Variants in DGLUCY observed in about 807,000 individuals in gnomAD.
The protein encoded by DGLUCY is D-glutamate cyclase.
A neutral mutation model predicts 58.5 loss-of-function variants in DGLUCY; 58 were observed. The observed-to-expected ratio is 0.99, with a 90% CI of 0.80 to 1.23. The LOEUF (loss-of-function observed/expected upper bound fraction) is 1.23, where lower values mean the gene tolerates loss of function less well. Ranked by LOEUF, DGLUCY falls within the 50% of genes most tolerant of loss-of-function variation. The probability of loss-of-function intolerance (pLI) is 0.00; values close to 1 mark genes in which losing one functional copy is unlikely to be tolerated. For missense variants in DGLUCY, 779 were observed against 784.7 expected (o/e 0.99, Z 0.09); for synonymous variants, 325 against 314.1 (o/e 1.03, Z -0.37).
At chr14:91,180,710 G>T (rs1386637267) in intron 7 of DGLUCY, among the ~76,000 whole-genome samples, 3 of 151,922 alleles carry the variant, frequency 2.0e-5, no homozygotes, top group African/African-American at 4.8e-5. Flanking sequence ...AGTCTTTAAA[G>T]AATAAAATTA....
chr14:91,203,585 T>C (rs11622455), intron 11 of DGLUCY, among the ~76,000 whole-genome samples: 127,648 of 152,138 alleles, frequency 0.84, 53,808 homozygotes, highest in Middle Eastern at 0.88. Context: ...CAGACTCCTC[T>C]ATAAATACCT....
At chr14:91,073,187 G>A (rs936395811) in intron 1 of DGLUCY, among the ~76,000 whole-genome samples, 7 of 152,116 alleles carry the variant, frequency 4.6e-5, no homozygotes, top group Non-Finnish European at 8.8e-5. Flanking sequence ...AGTGGTTCAT[G>A]CCTAGCACTT....
chr14:91,107,375 C>T (rs986824931), upstream of DGLUCY, among the ~76,000 whole-genome samples: 5 of 151,494 alleles, frequency 3.3e-5, no homozygotes, highest in African/African-American at 9.7e-5. Flanking sequence ...AAAAATTTGC[C>T]GGGGTGGTGG....
chr14:91,108,753 G>T (rs1402074682), intron 1 of DGLUCY, among the ~76,000 whole-genome samples: 2 of 152,106 alleles, frequency 1.3e-5, no homozygotes, highest in African/African-American at 4.8e-5. Flanking sequence ...GGCCAGACTG[G>T]TCTTGAACTC....
At chr14:91,091,413 T>G (rs1178274634) in intron 1 of DGLUCY, among the ~76,000 whole-genome samples, 1 of 152,030 alleles carries the variant, frequency 6.6e-6, no homozygotes, top group Non-Finnish European at 1.5e-5. Flanking sequence ...TCCCAGCTAC[T>G]TGGGAGGCTG....
At chr14:91,116,905 C>T (rs2044994434) in intron 1 of DGLUCY, among the ~76,000 whole-genome samples, 1 of 150,020 alleles carries the variant, frequency 6.7e-6, no homozygotes, top group Non-Finnish European at 1.5e-5. Flanking sequence ...AATCGCCCCA[C>T]TGCACTCCAG....
chr14:91,068,102 CA>C (rs1199337219), intron 1 of DGLUCY, among the ~76,000 whole-genome samples: 1 of 152,010 alleles, frequency 6.6e-6, no homozygotes, highest in African/African-American at 2.4e-5. Context: ...CACACACACA[CA>C]CACACACACA....
intron 12 of DGLUCY, among the ~76,000 whole-genome samples, chr14:91,210,761 G>A (rs774782885): frequency 4.6e-5 from 7 of 152,044 alleles, no homozygotes; most frequent in African/African-American, 1.2e-4. Context: ...AGCTAACATC[G>A]TAATTAATGG....
At chr14:91,196,513 G>A (rs2050221722) in intron 10 of DGLUCY, 39 bp downstream of exon 10, 2 of 1,533,580 alleles carry the variant, frequency 1.3e-6, no homozygotes, top group Non-Finnish European at 1.8e-6. Flanking sequence ...GCGGATGGTG[G>A]AAACGCCCAT....
At chr14:91,089,076 T>C (rs1316264499) in intron 1 of DGLUCY, among the ~76,000 whole-genome samples, 1 of 152,214 alleles carries the variant, frequency 6.6e-6, no homozygotes, top group Admixed American at 6.5e-5. Context: ...TCCGCACCAG[T>C]TGCCCCTTCT....
At chr14:91,191,000 A>G (rs2049853014) in intron 9 of DGLUCY, among the ~76,000 whole-genome samples, 1 of 152,110 alleles carries the variant, frequency 6.6e-6, no homozygotes, top group African/African-American at 2.4e-5. Flanking sequence ...TTCAGCTGCC[A>G]CTGCGGTGGA....
intron 1 of DGLUCY, among the ~76,000 whole-genome samples, chr14:91,156,726 G>T (rs1484754794): frequency 1.3e-5 from 2 of 152,180 alleles, no homozygotes; most frequent in African/African-American, 4.8e-5. Context: ...GAGCAGAAAG[G>T]TAGCTTTTTG....
intron 8 of DGLUCY, among the ~76,000 whole-genome samples, chr14:91,187,189 G>A (rs1203804991): frequency 3.3e-5 from 5 of 151,958 alleles, no homozygotes; most frequent in African/African-American, 4.8e-5. Flanking sequence ...TAGTAGAGAC[G>A]GGGTTTCACT....
chr14:91,062,937 T>TAG (rs2043757330), intron 1 of DGLUCY, among the ~76,000 whole-genome samples: 1 of 152,172 alleles, frequency 6.6e-6, no homozygotes, highest in Non-Finnish European at 1.5e-5. Flanking sequence ...TAATAGGTGC[T>TAG]AGAGACACAG....
intron 6 of DGLUCY, among the ~76,000 whole-genome samples, chr14:91,175,215 A>G (rs1034368456): frequency 6.6e-6 from 1 of 152,114 alleles, no homozygotes; most frequent in Admixed American, 6.6e-5. Context: ...ATTGATCCCC[A>G]GCGTATTCAC....
chr14:91,169,353 G>T (rs1475804764), intron 4 of DGLUCY, among the ~76,000 whole-genome samples: 1 of 151,770 alleles, frequency 6.6e-6, no homozygotes, highest in East Asian at 1.9e-4. Context: ...TCCCCTTTGG[G>T]CTACTGGTCC....
At chr14:91,060,809 C>G (rs1401679484) in intron 1 of DGLUCY, 1 of 169,904 alleles carries the variant, frequency 5.9e-6, no homozygotes, top group Non-Finnish European at 1.3e-5. Flanking sequence ...CACGAGCCTC[C>G]CCGCCTCGCT....
chr14:91,145,758 A>G (rs183736553), intron 1 of DGLUCY, among the ~76,000 whole-genome samples: 194 of 152,290 alleles, frequency 1.3e-3, no homozygotes, highest in Non-Finnish European at 1.4e-3. Context: ...AGCAGGTGCC[A>G]TTATCCTCCC....
At chr14:91,182,867 G>A (rs1257915804) in intron 8 of DGLUCY, among the ~76,000 whole-genome samples, 1 of 150,060 alleles carries the variant, frequency 6.7e-6, no homozygotes, top group Non-Finnish European at 1.5e-5. Context: ...GGGCTGGTGG[G>A]ATCCCCTAGG....
Sources: allele counts gnomAD v4.1 joint callset (sites outside exome capture counted in the v4.1 genomes callset), GRCh38; gene constraint gnomAD v4.1.1; transcripts MANE v1.5; gene names NCBI Gene and HGNC (gene_info 2026-07-23, HGNC 2026-07-21).